Variants in NRXN3 observed in about 807,000 individuals in gnomAD.
NRXN3 encodes the protein neurexin 3, also known as neurexin III.
In NRXN3, 32 loss-of-function variants were observed where a neutral mutation model predicts 137.6. The observed-to-expected ratio is 0.23, with a 90% CI of 0.18 to 0.31. The LOEUF is 0.31. NRXN3 is among the 10% of genes least tolerant of loss of function. The pLI, the probability that NRXN3 is intolerant of heterozygous loss-of-function variation, is 1.00. For synonymous variants in NRXN3, 798 were observed against 784.5 expected (o/e 1.02, Z -0.29); for missense variants, 1,574 against 2,062.5 (o/e 0.76, Z 4.59).
At chr14:79,454,294 C>T (rs1206255662) in intron 15 of NRXN3, among the ~76,000 whole-genome samples, 3 of 152,036 alleles carry the variant, frequency 2.0e-5, no homozygotes, top group South Asian at 2.1e-4. Context: ...ATGTTGGCCA[C>T]GATGGTCTCG....
chr14:79,339,588 A>G (rs1478173553), intron 15 of NRXN3, among the ~76,000 whole-genome samples: 1 of 152,254 alleles, frequency 6.6e-6, no homozygotes, highest in Non-Finnish European at 1.5e-5. Flanking sequence ...AATGCAAATT[A>G]TCAGGTCCCA....
intron 17 of NRXN3, among the ~76,000 whole-genome samples, chr14:79,680,908 T>A (rs1344644485): frequency 6.6e-6 from 1 of 152,144 alleles, no homozygotes; most frequent in East Asian, 1.9e-4. Flanking sequence ...TTAACTCTAC[T>A]CATTATCGTC....
intron 15 of NRXN3, among the ~76,000 whole-genome samples, chr14:79,219,730 G>A (rs372626447): frequency 1.4e-5 from 2 of 147,026 alleles, no homozygotes; most frequent in East Asian, 2.1e-4. Context: ...TATATCTGAC[G>A]GTCATATAAT....
chr14:78,668,047 A>C (rs761597213), intron 6 of NRXN3, among the ~76,000 whole-genome samples: 7 of 152,118 alleles, frequency 4.6e-5, no homozygotes, highest in Non-Finnish European at 1.0e-4. Flanking sequence ...CGGTCTCCCA[A>C]AGTGTTGGGA....
At chr14:78,310,829 C>T (rs530129614) in intron 4 of NRXN3, among the ~76,000 whole-genome samples, 20 of 151,948 alleles carry the variant, frequency 1.3e-4, no homozygotes, top group African/African-American at 1.9e-4. Flanking sequence ...ATAAGCAAAA[C>T]GGGAGCAAGA....
chr14:79,363,191 G>A (rs2093749576), intron 15 of NRXN3, among the ~76,000 whole-genome samples: 1 of 152,038 alleles, frequency 6.6e-6, no homozygotes, highest in South Asian at 2.1e-4. Flanking sequence ...GTAGAGACAG[G>A]GTTTCGCCAT....
Position 79,517,896 on chromosome 14 carries a change from C to CTTTT in NRXN3, c.3444+50518_3444+50521dup, listed in dbSNP as rs34241975. Among the ~76,000 whole-genome samples the CTTTT allele has an allele frequency of 2.6e-4, 19 of 73,352 alleles. 3 individuals carry two copies. Among genetic ancestry groups the CTTTT allele is most frequent in the African/African-American group, 1.0e-3 (15 of 15,032 alleles). 48.1% of individuals were successfully genotyped at this position (73,352 alleles called of 152,430 possible). A position where few individuals can be genotyped will look rare whatever the true frequency, so the allele number is the denominator to read the frequency against. On this transcript the variant is annotated intron_variant, in intron 16 of 20. Coordinates refer to ENST00000335750, the MANE Select transcript of NRXN3 (RefSeq NM_001330195.2). ...TTCTTTCAGAGTTTTCCTGACTTTC[C>CTTTT]TTTTTTTTTTTTTTTTTTTTTTTTT...
chr14:79,280,480 G>C (rs2081096497), intron 15 of NRXN3: 2 of 1,613,936 alleles, frequency 1.2e-6, no homozygotes, highest in Non-Finnish European at 1.7e-6. Flanking sequence ...ATGGCAGCAA[G>C]CATCACTCAG....
At chr14:79,249,465 T>G (rs575289465) in intron 15 of NRXN3, among the ~76,000 whole-genome samples, 29 of 152,168 alleles carry the variant, frequency 1.9e-4, no homozygotes, top group Non-Finnish European at 4.1e-4. Flanking sequence ...GTGAAACACT[T>G]AGGGATGAGA....
chr14:79,383,121 T>C (rs1254868118), intron 15 of NRXN3, among the ~76,000 whole-genome samples: 1 of 152,086 alleles, frequency 6.6e-6, no homozygotes, highest in East Asian at 1.9e-4. Context: ...CTACTGTGAG[T>C]AAACAACCAT....
intron 15 of NRXN3, among the ~76,000 whole-genome samples, chr14:79,017,645 T>C (rs1450759119): frequency 6.6e-6 from 1 of 152,148 alleles, no homozygotes; most frequent in Non-Finnish European, 1.5e-5. Context: ...TCGGGTCAGC[T>C]TGCACATTCT....
chr14:79,480,615 C>T (rs2096598704), intron 16 of NRXN3, among the ~76,000 whole-genome samples: 1 of 152,110 alleles, frequency 6.6e-6, no homozygotes, highest in African/African-American at 2.4e-5. Context: ...AAATGAGTAA[C>T]CTAATGTTAT....
chr14:78,800,559 T>A (rs1371394111), intron 8 of NRXN3, among the ~76,000 whole-genome samples: 4 of 152,240 alleles, frequency 2.6e-5, no homozygotes, highest in Admixed American at 6.5e-5. Flanking sequence ...CACACTTTTA[T>A]CTGTAATCGC....
At chr14:78,842,682 G>A (rs557430177) in intron 10 of NRXN3, among the ~76,000 whole-genome samples, 23 of 152,012 alleles carry the variant, frequency 1.5e-4, no homozygotes, top group Admixed American at 3.9e-4. Flanking sequence ...CAGGAGATTG[G>A]GGCTTATTTC....
intron 1 of NRXN3, among the ~76,000 whole-genome samples, chr14:78,221,809 G>A (rs1285348388): frequency 6.6e-6 from 1 of 152,170 alleles, no homozygotes; most frequent in East Asian, 1.9e-4. Flanking sequence ...GGGCAGAGGT[G>A]CCAAAGAGCA....
At chr14:78,398,848 G>T (rs1337361040) in intron 4 of NRXN3, among the ~76,000 whole-genome samples, 1 of 152,178 alleles carries the variant, frequency 6.6e-6, no homozygotes, top group Non-Finnish European at 1.5e-5. Context: ...TGGCAGAGAT[G>T]AAAGTCCTGG....
chr14:79,490,926 A>G lies in NRXN3; in HGVS notation c.3444+23524A>G, dbSNP rs2096710556. On this transcript the variant is annotated intron_variant, in intron 16 of 20. Transcript: ENST00000335750. ...TGTATCAAAACATCTCACATACTTC[A>G]TAAATATATACACCTACTATGTACC... is the stretch of plus-strand genomic sequence containing the variant. Among the ~76,000 whole-genome samples, 5 of 152,296 alleles carry G rather than the reference A, an allele frequency of 3.3e-5. No individual in the cohort carries two copies. The South Asian group carries it at 8.3e-4, about 25-fold the overall frequency.
intron 16 of NRXN3, among the ~76,000 whole-genome samples, chr14:79,538,314 G>A (rs984763253): frequency 6.6e-6 from 1 of 152,100 alleles, no homozygotes; most frequent in Non-Finnish European, 1.5e-5. Context: ...CCATTTGTTA[G>A]TTTTGGCTTT....
At chr14:79,695,328 G>A (rs1197883619) in intron 18 of NRXN3, among the ~76,000 whole-genome samples, 1 of 151,956 alleles carries the variant, frequency 6.6e-6, no homozygotes, top group East Asian at 1.9e-4. Context: ...AAGGATATTA[G>A]AATGTAAGAT....
Sources: gnomAD v4.1 joint callset for allele counts (sites outside exome capture counted in the v4.1 genomes callset) on GRCh38, gnomAD v4.1.1 for gene constraint, MANE v1.5 for transcripts, NCBI Gene and HGNC (gene_info 2026-07-23, HGNC 2026-07-21) for gene names.